KIRREL3: variants seen among roughly 807,000 people sequenced by gnomAD.
The protein encoded by KIRREL3 is kin of IRRE-like protein 3.
Under a neutral mutation model 89.7 loss-of-function variants are expected in KIRREL3, and 36 were observed. The observed-to-expected ratio is 0.40, with a 90% CI of 0.31 to 0.53. KIRREL3 has a LOEUF of 0.53. KIRREL3 is among the 20% of genes least tolerant of loss of function. The pLI is 0.49. For synonymous variants in KIRREL3, 445 were observed against 441.4 expected, an observed-to-expected ratio of 1.01 and a Z score of -0.10; for missense variants, 864 against 1,056.6, an observed-to-expected ratio of 0.82 and a Z score of 2.53.
At chr11:126,751,984 T>C (rs1464589010) in intron 1 of KIRREL3, among the ~76,000 whole-genome samples, 3 of 152,206 alleles carry the variant, frequency 2.0e-5, no homozygotes, top group Non-Finnish European at 4.4e-5. Context: ...ATTACAGGCA[T>C]GAGCCACCAT....
intron 1 of KIRREL3, among the ~76,000 whole-genome samples, chr11:126,649,722 G>C (rs1944834683): frequency 6.6e-6 from 1 of 152,130 alleles, no homozygotes; most frequent in Non-Finnish European, 1.5e-5. Context: ...TTGAGTGTCT[G>C]CGGCTCTTCC....
intron 1 of KIRREL3, among the ~76,000 whole-genome samples, chr11:126,828,643 C>T (rs1267386966): frequency 6.6e-6 from 1 of 152,102 alleles, no homozygotes; most frequent in Non-Finnish European, 1.5e-5. Context: ...TTCCTTAGGT[C>T]TGCATCCCTG....
At chr11:126,936,505 T>A in intron 1 of KIRREL3, 1 of 130,848 alleles carries the variant, frequency 7.6e-6, no homozygotes, top group East Asian at 2.2e-4. Flanking sequence ...CATCGACTGG[T>A]AAAAGAATAT....
chr11:126,575,136 A>C lies in KIRREL3; in HGVS notation c.56-12224T>G, dbSNP rs1467399987. ...GGAGAAAGTTCTCTGGCCAGAGGACACAGTGAGGGAGCCTGGTTTAAAAAA... is the reference window on the plus strand; with the variant it reads ...GGAGAAAGTTCTCTGGCCAGAGGACCCAGTGAGGGAGCCTGGTTTAAAAAA... On this transcript the variant is annotated intron_variant, in intron 1 of 16. Transcript: ENST00000525144. This position sits in a 1 kb window ranked among gnomAD's most constrained non-coding sequence, Gnocchi z 7.0. 1.3e-5 allele frequency among the ~76,000 whole-genome samples: 2 copies of C among 152,220 alleles called. No homozygotes were observed. The highest frequency in any genetic ancestry group is 1.3e-4 in the Admixed American group (2 of 15,282).
rs116190114 is a variant in KIRREL3 at position 126,769,499 on chromosome 11, C to G, written c.56-206587G>C. The stretch of plus-strand genomic sequence containing the variant: ...CCGTGCACTCCTGTCTTCTCTCTAA[C>G]AGTTAATGAGAACGATAGGTATTGA... On this transcript the variant is annotated intron_variant, in intron 1 of 16. Coordinates refer to ENST00000525144, the MANE Select transcript of KIRREL3 (RefSeq NM_032531.4). This position sits in a 1 kb window ranked among gnomAD's most constrained non-coding sequence, Gnocchi z 4.3. Among the ~76,000 whole-genome samples the G allele has an allele frequency of 0.011, 1,711 of 152,324 alleles. 32 individuals carry two copies. The highest frequency in any genetic ancestry group is 0.038 in the African/African-American group (1,572 of 41,566).
chr11:126,609,894 T>C lies in KIRREL3; in HGVS notation c.56-46982A>G, dbSNP rs184466429. Among the ~76,000 whole-genome samples the C allele has an allele frequency of 2.0e-5, 3 of 152,302 alleles. No individual in the cohort carries two copies. In the East Asian group the frequency reaches 5.8e-4, roughly 29 times the overall value. ...ACATTAATAGAACCTGATGATGCGA[T>C]AGGCACCGAGATAAGAATTTTATGT... On this transcript the variant is annotated intron_variant, in intron 1 of 16. Transcript: ENST00000525144. This position sits in a 1 kb window ranked among gnomAD's most constrained non-coding sequence, Gnocchi z 5.0.
chr11:126,524,830 T>C (rs908192731), intron 3 of KIRREL3, among the ~76,000 whole-genome samples: 4 of 152,196 alleles, frequency 2.6e-5, no homozygotes, highest in African/African-American at 9.7e-5. Flanking sequence ...AGTTGAGGGC[T>C]GTCCTGCCTG....
rs1943841698 is a variant in KIRREL3, at chr11:126,627,526, G to T, written c.56-64614C>A. Among the ~76,000 whole-genome samples the T allele has an allele frequency of 6.6e-6, 1 of 152,188 alleles. No individual in the cohort carries two copies. Among genetic ancestry groups the T allele is most frequent in the South Asian group, 2.1e-4 (1 of 4,828 alleles). ...TAAGAATGTCATAGCAGCCTCCCTG[G>T]CTCCATGGTGACTGACGCTGCCAGT... On this transcript the variant is annotated intron_variant, in intron 1 of 16. Transcript: ENST00000525144. This position sits in a 1 kb window ranked among gnomAD's most constrained non-coding sequence, Gnocchi z 5.0.
rs918582829 is a variant in KIRREL3, at chr11:126,997,680, G to C, written c.55+2775C>G. Among the ~76,000 whole-genome samples the C allele has an allele frequency of 6.6e-6, 1 of 152,166 alleles. No individual in the cohort carries two copies. Among genetic ancestry groups the C allele is most frequent in the Non-Finnish European group, 1.5e-5 (1 of 68,034 alleles). The stretch of plus-strand genomic sequence containing the variant: ...TTAGGAAGAAAAGGATGGCTGGAAC[G>C]GACTTTAAGAGTTTATTTGTATCTT... On this transcript the variant is annotated intron_variant, in intron 1 of 16. Coordinates refer to ENST00000525144, the MANE Select transcript of KIRREL3 (RefSeq NM_032531.4). This position sits in a 1 kb window ranked among gnomAD's most constrained non-coding sequence, Gnocchi z 4.3.
chr11:126,910,962 G>C (rs1946792153), intron 1 of KIRREL3, among the ~76,000 whole-genome samples: 1 of 152,186 alleles, frequency 6.6e-6, no homozygotes, highest in South Asian at 2.1e-4. Context: ...CTCATTGCCG[G>C]GGGAAGGAAA....
At chr11:126,770,601 G>A (rs979464799) in intron 1 of KIRREL3, among the ~76,000 whole-genome samples, 7 of 152,174 alleles carry the variant, frequency 4.6e-5, no homozygotes, top group African/African-American at 1.2e-4. Context: ...GGCCTGTTAT[G>A]CACAGGTTTT....
intron 1 of KIRREL3, among the ~76,000 whole-genome samples, chr11:126,853,342 T>C (rs1489211390): frequency 6.6e-6 from 1 of 152,244 alleles, no homozygotes; most frequent in African/African-American, 2.4e-5. Context: ...TTCTATGAAC[T>C]GCCATGGAGT....
At chr11:126,654,643 G>T (rs1458538492) in intron 1 of KIRREL3, among the ~76,000 whole-genome samples, 3 of 152,086 alleles carry the variant, frequency 2.0e-5, no homozygotes, top group Non-Finnish European at 2.9e-5. Flanking sequence ...GTCTGGAGGG[G>T]TTGTCTAGCC....
In KIRREL3 at chr11:126,771,097, A is replaced by G. The variant is rs1386975245; in HGVS notation, c.56-208185T>C. On this transcript the variant is annotated intron_variant, in intron 1 of 16. Transcript: ENST00000525144. This position sits in a 1 kb window ranked among gnomAD's most constrained non-coding sequence, Gnocchi z 4.4. ...GGTGATCCGCTTGCCTTGGCATCCCAAAGTCCTGGGATTACAGGCATGAGC... is the reference window on the plus strand; with the variant it reads ...GGTGATCCGCTTGCCTTGGCATCCCGAAGTCCTGGGATTACAGGCATGAGC... 1.3e-5 allele frequency among the ~76,000 whole-genome samples: 2 copies of G among 152,162 alleles called. No individual in the cohort carries two copies. Among genetic ancestry groups the G allele is most frequent in the African/African-American group, 4.8e-5 (2 of 41,440 alleles).
At chr11:126,448,934 C>T (rs573849853) in intron 8 of KIRREL3, 75 bp downstream of exon 8, 2 of 1,451,352 alleles carry the variant, frequency 1.4e-6, no homozygotes, top group Non-Finnish European at 1.8e-6. Flanking sequence ...ATGAATCTAG[C>T]CCTGGTTTCT....
rs1039759145 is a variant in KIRREL3 at position 126,901,153 on chromosome 11, G to T, written c.55+99302C>A. 2.0e-5 allele frequency among the ~76,000 whole-genome samples: 3 copies of T among 147,870 alleles called. No individual in the cohort carries two copies. In the Middle Eastern group the frequency reaches 0.01, roughly 510 times the overall value. ...CGCTTGAACCTGGGAGGCAGAGGTT[G>T]CAGTGAGCTGAGATCGCACCATTGC... On this transcript the variant is annotated intron_variant, in intron 1 of 16. Coordinates refer to ENST00000525144, the MANE Select transcript of KIRREL3 (RefSeq NM_032531.4).
intron 4 of KIRREL3, among the ~76,000 whole-genome samples, chr11:126,499,167 A>AAAT (rs57562072): frequency 6.6e-6 from 1 of 150,452 alleles, no homozygotes; most frequent in Non-Finnish European, 1.5e-5. Flanking sequence ...AAAAAAAAAA[A>AAAT]GCTGTGCGTT....
intron 5 of KIRREL3, among the ~76,000 whole-genome samples, chr11:126,469,749 G>A (rs1956834311): frequency 6.6e-6 from 1 of 152,194 alleles, no homozygotes; most frequent in African/African-American, 2.4e-5. Flanking sequence ...GCCTTGCCTT[G>A]GGACACAGGG....
At chr11:126,781,267 G>A (rs1344732134) in intron 1 of KIRREL3, among the ~76,000 whole-genome samples, 1 of 152,094 alleles carries the variant, frequency 6.6e-6, no homozygotes, top group African/African-American at 2.4e-5. Context: ...GAGATGAGTT[G>A]GATTGACTAC....
Sources: allele counts gnomAD v4.1 joint callset (sites outside exome capture counted in the v4.1 genomes callset), GRCh38; gene constraint gnomAD v4.1.1; non-coding constraint Gnocchi (gnomAD v3.1); transcripts MANE v1.5; gene names NCBI Gene and HGNC (gene_info 2026-07-23, HGNC 2026-07-21).